C1S: variants seen among roughly 807,000 people sequenced by gnomAD.
The protein encoded by C1S is complement C1s subcomponent.
C1S carries 31 observed loss-of-function variants against 54.0 expected under a neutral mutation model. The ratio of observed to expected loss-of-function variants is 0.57; its 90% CI spans 0.43 to 0.78. The LOEUF (loss-of-function observed/expected upper bound fraction) is 0.78. Among genes scored for constraint, C1S ranks in the 30% least tolerant of loss-of-function variants. The pLI, the probability that C1S is intolerant of heterozygous loss-of-function variation, is 0.00. For synonymous variants in C1S, 292 were observed against 303.6 expected (o/e 0.96, Z 0.40); for missense variants, 727 against 851.8 (o/e 0.85, Z 1.82).
Position 7,061,909 on chromosome 12 carries a change from A to G in C1S, c.-4A>G. 1 of 1,613,544 alleles carries G rather than the reference A, an allele frequency of 6.2e-7. No individual in the cohort carries two copies. Among genetic ancestry groups the G allele is most frequent in the East Asian group, 2.2e-5 (1 of 44,856 alleles). On this transcript the variant is annotated 5_prime_UTR_variant, in exon 2 of 12. Coordinates refer to ENST00000360817, the MANE Select transcript of C1S (RefSeq NM_001734.5). ...AGCTCACCAGGGTGGACAAATCGCCAGAGATGTGGTAAGTGATCAAGGGTC... is the reference window on the plus strand; with the variant it reads ...AGCTCACCAGGGTGGACAAATCGCCGGAGATGTGGTAAGTGATCAAGGGTC...
intron 5 of C1S, 101 bp downstream of exon 5, chr12:7,064,493 C>T: frequency 8.6e-7 from 1 of 1,162,698 alleles, no homozygotes; most frequent in Admixed American, 2.0e-5. Context: ...TTAGGCCAAG[C>T]CTTCATTTGG....
rs781881761 is a variant in C1S at position 7,066,088 on chromosome 12, G to A, written c.871+118G>A. On this transcript the variant is annotated intron_variant, in intron 7 of 11. Coordinates refer to ENST00000360817, the MANE Select transcript of C1S (RefSeq NM_001734.5). ...AGCACCTGTGATCTCAGCTACCGAG[G>A]GAGGCTGAGGCAGGAGGATCCCTTG... 2.6e-5 allele frequency: 25 copies of A among 944,600 alleles called. No individual in the cohort carries two copies. The East Asian group carries it at 2.7e-4, about 10-fold the overall frequency. The allele number at this position is 944,600 out of a possible 1,614,324, so 58.5% of individuals were successfully genotyped here.
intron 6 of C1S, 141 bp downstream of exon 6, chr12:7,065,440 T>C (rs782648943): frequency 1.4e-4 from 106 of 737,384 alleles, no homozygotes; most frequent in Non-Finnish European, 2.3e-4. Context: ...ACTGTAGCCT[T>C]GATCTCTTGG....
intron 3 of C1S, 61 bp from the exon 4 acceptor site, chr12:7,062,829 T>C (rs1373457363): frequency 3.2e-6 from 5 of 1,586,782 alleles, no homozygotes; most frequent in Non-Finnish European, 4.3e-6. Context: ...TGTCCCTTCT[T>C]TTAACTCCAT....
rs1268402316 is a variant in C1S at position 7,064,161 on chromosome 12, G to A, written c.392-106G>A. 1.8e-5 allele frequency: 20 copies of A among 1,105,666 alleles called. No homozygotes were observed. In the African/African-American group the frequency reaches 3.1e-4, roughly 17 times the overall value. 68.5% of individuals were successfully genotyped at this position (1,105,666 alleles called of 1,614,324 possible). A position where few individuals can be genotyped will look rare whatever the true frequency, so the allele number is the denominator to read the frequency against. On this transcript the variant is annotated intron_variant, in intron 4 of 11. Coordinates refer to ENST00000360817, the MANE Select transcript of C1S (RefSeq NM_001734.5). ...ATGTGATCCCTTGACGGATCTTTAA[G>A]CAATAGGCCTTTCCTACTTTTTCTT...
chr12:7,070,234 A>G lies in C1S; in HGVS notation c.1650A>G (p.Leu550=), dbSNP rs782007178. ...KMGPTVSPIC[L]PGTSSDYNLM... is the part of the protein sequence containing the mutation. ...GACCCACCGTCTCTCCCATCTGCCT[A>G]CCAGGCACCTCTTCCGACTACAACC... The change falls in exon 12 of 12, where the codon CTA becomes CTG. Residue 550 remains leucine (L), a synonymous_variant. Coordinates refer to ENST00000360817, the MANE Select transcript of C1S (RefSeq NM_001734.5). This position sits in a 1 kb window ranked among gnomAD's most constrained non-coding sequence, Gnocchi z 4.9. The G allele has an allele frequency of 1.3e-5, 21 of 1,614,002 alleles. No individual in the cohort carries two copies. The highest frequency in any genetic ancestry group is 1.6e-5 in the Non-Finnish European group (19 of 1,179,960).
At chr12:7,061,528 G>T in intron 1 of C1S, 1 of 360,788 alleles carries the variant, frequency 2.8e-6, no homozygotes, top group Non-Finnish European at 5.4e-6. Flanking sequence ...GACTGATACC[G>T]CGGGGGTGGG....
chr12:7,064,046 A>ACACACACACACACACACACC (rs782139525), intron 4 of C1S: 3 of 601,598 alleles, frequency 5.0e-6, no homozygotes, highest in African/African-American at 3.7e-5. Flanking sequence ...ACACACACAC[A>ACACACACACACACACACACC]CCCCCGAGCT....
In C1S at chr12:7,062,894, T is replaced by C; in HGVS notation, c.218T>C (p.Ile73Thr). The C allele has an allele frequency of 6.2e-7, 1 of 1,613,692 alleles. No homozygotes were observed. The change falls in exon 4 of 12, where the codon ATC becomes ACC. Residue 73 changes from isoleucine (I) to threonine (T), a missense_variant. Ile to Thr is a moderately conservative substitution (Grantham distance 89). This residue lies in a region of C1S where 357 missense variants were observed against 365.4 expected (regional missense o/e 0.98). Transcript: ENST00000360817. ...TTTTTGTGACTCTTCTCTTAGATAATCTCAGGAGACACTGAAGAAGGGAGG... is the reference window on the plus strand; with the variant it reads ...TTTTTGTGACTCTTCTCTTAGATAACCTCAGGAGACACTGAAGAAGGGAGG... ...ENCAYDSVQI[I>T]SGDTEEGRLC... is the part of the protein sequence containing the mutation.
chr12:7,069,520 G>A (rs782502582), intron 11 of C1S, among the ~76,000 whole-genome samples: 2 of 152,350 alleles, frequency 1.3e-5, no homozygotes, highest in South Asian at 2.1e-4. Context: ...CTCATGTGCC[G>A]AGTTGGGAGG....
Position 7,064,302 on chromosome 12 carries a change from T to G in C1S, c.427T>G (p.Cys143Gly). 6.2e-7 allele frequency: 1 copy of G among 1,614,050 alleles called. No homozygotes were observed. Among genetic ancestry groups the G allele is most frequent in the Non-Finnish European group, 8.5e-7 (1 of 1,179,904 alleles). Reference protein sequence around the residue: ...NECTDFVDVPCSHFCNNFIGG... With the variant: ...NECTDFVDVPGSHFCNNFIGG... ...ATGCACAGATTTTGTAGATGTCCCT[T>G]GTAGCCACTTCTGCAACAATTTCAT... The change falls in exon 5 of 12, where the codon TGT (cysteine) becomes GGT (glycine). Residue 143 changes from cysteine to glycine, a missense_variant. This residue lies in a region of C1S where 357 missense variants were observed against 365.4 expected (regional missense o/e 0.98). Coordinates refer to ENST00000360817, the MANE Select transcript of C1S (RefSeq NM_001734.5).
rs1803213 is a variant in C1S, at chr12:7,070,774, C to T, written c.*123C>T. ...ACACGAGCGAATGATTTAAATAGAA[C>T]TTGATTGTTGAGACGCCTTGCTAGA... On this transcript the variant is annotated 3_prime_UTR_variant, in exon 12 of 12. Coordinates refer to ENST00000360817, the MANE Select transcript of C1S (RefSeq NM_001734.5). The surrounding 1 kb of genome is among the most constrained non-coding windows in gnomAD (Gnocchi z 4.9). 17 of 892,706 alleles carry T rather than the reference C, an allele frequency of 1.9e-5. No homozygotes were observed. In the East Asian group the frequency reaches 4.2e-4, roughly 22 times the overall value. The allele number at this position is 892,706 out of a possible 1,614,324, so 55.3% of individuals were successfully genotyped here.
intron 9 of C1S, 151 bp from the exon 10 acceptor site, chr12:7,067,492 G>A: frequency 1.2e-6 from 1 of 855,426 alleles, no homozygotes; most frequent in South Asian, 1.3e-5. Context: ...AGTTGGGGAG[G>A]ATGGCCACAG....
intron 4 of C1S, 198 bp from the exon 5 acceptor site, chr12:7,064,069 T>G (rs782746354): frequency 1.5e-6 from 1 of 668,670 alleles, no homozygotes; most frequent in Non-Finnish European, 2.8e-6. Context: ...CTTATAGCTG[T>G]GTAGTGGTAG....
At chr12:7,067,458 C>A (rs782308018) in intron 9 of C1S, 185 bp from the exon 10 acceptor site, 99 of 753,502 alleles carry the variant, frequency 1.3e-4, no homozygotes, top group Non-Finnish European at 2.1e-4. Context: ...GGCATCTCAG[C>A]GGGTGAGAGA....
chr12:7,062,219 T>G (rs1947100460), intron 2 of C1S: 4 of 561,546 alleles, frequency 7.1e-6, no homozygotes, highest in Non-Finnish European at 3.1e-6. Context: ...TGCAGTGACC[T>G]GAGATCGCAC....
chr12:7,067,126 C>G lies in C1S; in HGVS notation c.1066+9C>G, dbSNP rs1565622769. On this transcript the variant is annotated intron_variant, in intron 9 of 11. Transcript: ENST00000360817. ...CAAACTGAAATGTCAACGTATGTGT[C>G]TCTTCAAAGTGGAAGTCTTTCTTTT... 1 of 1,535,752 alleles carries G rather than the reference C, an allele frequency of 6.5e-7. No individual in the cohort carries two copies. The highest frequency in any genetic ancestry group is 9.0e-7 in the Non-Finnish European group (1 of 1,108,574).
Position 7,062,570 on chromosome 12 carries a change from G to A in C1S, c.101G>A (p.Ser34Asn). Residue 34 changes from serine to asparagine, a missense_variant, in exon 3 of 12, where the codon AGT becomes AAT. By Grantham distance (46) the Ser-to-Asn change is conservative. Transcript: ENST00000360817. ...LSPNYPQAYP[S>N]EVEKSWDIEV... is the part of the protein sequence containing the mutation. ...CCTAACTATCCTCAGGCATATCCCA[G>A]TGAGGTAGAGAAATCTTGGGACATA... 1 of 1,613,690 alleles carries A rather than the reference G, an allele frequency of 6.2e-7. No homozygotes were observed. Among genetic ancestry groups the A allele is most frequent in the Non-Finnish European group, 8.5e-7 (1 of 1,179,570 alleles).
chr12:7,064,143 C>T, intron 4 of C1S, 124 bp from the exon 5 acceptor site: 1 of 946,928 alleles, frequency 1.1e-6, no homozygotes, highest in Non-Finnish European at 1.7e-6. Context: ...GAAATGTGAT[C>T]CCTTGACGGA....
Sources: gnomAD v4.1 joint callset for allele counts (sites outside exome capture counted in the v4.1 genomes callset) on GRCh38, gnomAD v4.1.1 for gene constraint, gnomAD v4.1.1 regional missense constraint, Gnocchi (gnomAD v3.1) non-coding constraint, MANE v1.5 for transcripts, NCBI Gene and HGNC (gene_info 2026-07-23, HGNC 2026-07-21) for gene names.